The following RUFY4 variants were observed in gnomAD, a reference collection of about 807,000 sequenced individuals.
RUFY4 encodes the protein RUN and FYVE domain-containing protein 4.
In RUFY4, 73 loss-of-function variants were observed where a neutral mutation model predicts 69.0. The observed-to-expected ratio is 1.06, with a 90% CI of 0.88 to 1.29. RUFY4 has a LOEUF of 1.29. RUFY4 is among the 50% of genes most tolerant of loss of function. The pLI, the probability that RUFY4 is intolerant of heterozygous loss-of-function variation, is 0.00. For missense variants in RUFY4, 770 were observed against 705.6 expected, an observed-to-expected ratio of 1.09 and a Z score of -1.03; for synonymous variants, 287 against 271.8, an observed-to-expected ratio of 1.06 and a Z score of -0.55.
chr2:218,066,939 G>A (rs1423826799), upstream of RUFY4, among the ~76,000 whole-genome samples: 3 of 152,228 alleles, frequency 2.0e-5, no homozygotes, highest in Admixed American at 6.5e-5. Context: ...GACTCTGAGA[G>A]CTGAGGATAC....
chr2:218,063,750 G>A (rs1185656290), intron 3 of RUFY4, among the ~76,000 whole-genome samples: 3 of 152,096 alleles, frequency 2.0e-5, no homozygotes, highest in Admixed American at 6.5e-5. Flanking sequence ...TCAGGCTCTC[G>A]GTTCCCCAAA....
upstream of RUFY4, chr2:218,069,592 C>T (rs56356592): frequency 9.9e-5 from 15 of 152,118 alleles, no homozygotes; most frequent in South Asian, 1.0e-3. Context: ...ACAGTGAGTT[C>T]ATAGCCAGGC....
At chr2:218,072,982 T>C in intron 4 of RUFY4, 97 bp downstream of exon 6, 1 of 1,069,494 alleles carries the variant, frequency 9.4e-7, no homozygotes, top group Non-Finnish European at 1.3e-6. Context: ...TGGCTTTCTA[T>C]CAAGGACAGT....
chr2:218,043,079 T>C (rs1198854883), intron 2 of RUFY4, among the ~76,000 whole-genome samples: 1 of 151,282 alleles, frequency 6.6e-6, no homozygotes, highest in Non-Finnish European at 1.5e-5. Context: ...GAAGAGAAGG[T>C]TTATTGCATG....
intron 3 of RUFY4, among the ~76,000 whole-genome samples, chr2:218,063,447 G>C (rs755345974): frequency 6.6e-6 from 1 of 152,212 alleles, no homozygotes; most frequent in East Asian, 1.9e-4. Flanking sequence ...TGGGGCAGCT[G>C]CTTTGAAAAA....
At chr2:218,064,337 C>T (rs1005087777), upstream of RUFY4, among the ~76,000 whole-genome samples, 1 of 152,146 alleles carries the variant, frequency 6.6e-6, no homozygotes, top group African/African-American at 2.4e-5. Flanking sequence ...CTGGCCAAGA[C>T]CCTCCCCAGC....
At chr2:218,043,891 C>T (rs1050427797) in intron 2 of RUFY4, among the ~76,000 whole-genome samples, 1 of 152,234 alleles carries the variant, frequency 6.6e-6, no homozygotes, top group Admixed American at 6.5e-5. Flanking sequence ...CCCATCTCGG[C>T]TTCCCTCCCA....
chr2:218,050,719 T>C (rs1405693125), intron 2 of RUFY4, among the ~76,000 whole-genome samples: 1 of 152,234 alleles, frequency 6.6e-6, no homozygotes. Context: ...TGCTAGATGT[T>C]TTAAGATCAT....
intron 3 of RUFY4, chr2:218,060,698 G>T: frequency 1.5e-6 from 2 of 1,346,868 alleles, no homozygotes; most frequent in Non-Finnish European, 2.1e-6. Context: ...TGCCCCATAT[G>T]GGCCTTAAAC....
exon 7 of RUFY4, chr2:218,075,309 C>T: frequency 6.2e-7 from 1 of 1,607,200 alleles, no homozygotes; most frequent in East Asian, 2.2e-5. Flanking sequence ...AGGGAAGGAG[C>T]TTCAGCTAGA....
intron 3 of RUFY4, chr2:218,060,712 G>T: frequency 7.3e-7 from 1 of 1,368,406 alleles, no homozygotes; most frequent in Non-Finnish European, 1.0e-6. Flanking sequence ...CTTAAACAGC[G>T]TATGCAGGGT....
At chr2:218,044,925 G>T (rs1363472253) in intron 2 of RUFY4, among the ~76,000 whole-genome samples, 1 of 152,134 alleles carries the variant, frequency 6.6e-6, no homozygotes, top group African/African-American at 2.4e-5. Flanking sequence ...TCTTTATAAT[G>T]GAAGGATTTC....
At chr2:218,083,335 A>T (rs1689812948) in intron 9 of RUFY4, 79 bp downstream of exon 11, 5 of 1,495,814 alleles carry the variant, frequency 3.3e-6, no homozygotes, top group Admixed American at 2.3e-5. Context: ...TGAAAATTCT[A>T]CTCCACTCAC....
chr2:218,086,081 A>G (rs115922518), intron 9 of RUFY4, among the ~76,000 whole-genome samples: 4,144 of 152,332 alleles, frequency 0.027, 199 homozygotes, highest in African/African-American at 0.093. Flanking sequence ...GAAATTAAAA[A>G]TTAAATTAAA....
chr2:218,043,796 C>A (rs1041216660), intron 2 of RUFY4, among the ~76,000 whole-genome samples: 3 of 152,348 alleles, frequency 2.0e-5, no homozygotes, highest in South Asian at 2.1e-4. Flanking sequence ...CTCCCAGGAG[C>A]CTGTCTGCCT....
rs896482751 is a variant in RUFY4 at position 218,060,360 on chromosome 2, C to A, written c.-1071+1679C>A. 7.8e-6 allele frequency: 12 copies of A among 1,543,762 alleles called. No homozygotes were observed. The African/African-American group carries it at 1.5e-4, about 19-fold the overall frequency. ...GGTCTTAGAGAGTAGTGGAAGTGTG[C>A]CCTGAAGAAGAGCCAACAAAGGAAG... On this transcript the variant is annotated intron_variant and NMD_transcript_variant, in intron 3 of 13. Transcript: ENST00000457754.
At chr2:218,083,799 T>C (rs1353844911) in intron 9 of RUFY4, among the ~76,000 whole-genome samples, 3 of 150,474 alleles carry the variant, frequency 2.0e-5, no homozygotes, top group Admixed American at 6.6e-5. Flanking sequence ...ATAAATTGTA[T>C]AGAGTCCCCT....
chr2:218,078,408 G>A (rs1410044621), intron 8 of RUFY4, among the ~76,000 whole-genome samples: 1 of 152,184 alleles, frequency 6.6e-6, no homozygotes, highest in East Asian at 1.9e-4. Flanking sequence ...CCCTGATGGA[G>A]GACGGGCAGG....
chr2:218,086,370 A>G (rs1245747015), intron 9 of RUFY4, among the ~76,000 whole-genome samples: 1 of 152,250 alleles, frequency 6.6e-6, no homozygotes, highest in African/African-American at 2.4e-5. Flanking sequence ...AATGAAAAAC[A>G]AAACAAACAA....
Sources: gnomAD v4.1 joint callset for allele counts (sites outside exome capture counted in the v4.1 genomes callset) on GRCh38, gnomAD v4.1.1 for gene constraint, MANE v1.5 for transcripts, NCBI Gene and HGNC (gene_info 2026-07-23, HGNC 2026-07-21) for gene names.